The following PFKM variants were observed in gnomAD, a reference collection of about 807,000 sequenced individuals.
PFKM encodes ATP-dependent 6-phosphofructokinase, muscle type.
In PFKM, 58 loss-of-function variants were observed where a neutral mutation model predicts 95.5. That is an observed-to-expected ratio of 0.61 (90% CI 0.49 to 0.76). PFKM has a LOEUF of 0.76. Ranked by LOEUF, PFKM falls within the 30% of genes least tolerant of loss-of-function variation. PFKM has a pLI of 0.00. For synonymous variants in PFKM, 336 were observed against 357.2 expected (o/e 0.94, Z 0.67); for missense variants, 678 against 1,005.4 (o/e 0.67, Z 4.40).
At chr12:48,142,298 C>T in intron 17 of PFKM, 1 of 557,540 alleles carries the variant, frequency 1.8e-6, no homozygotes, top group Non-Finnish European at 3.2e-6. Flanking sequence ...CATGGTGAAA[C>T]CCCATCTCTA....
At chr12:48,110,897 G>T (rs1342884264) in intron 3 of PFKM, among the ~76,000 whole-genome samples, 1 of 152,148 alleles carries the variant, frequency 6.6e-6, no homozygotes, top group Non-Finnish European at 1.5e-5. Context: ...CTACACTGGG[G>T]CATAGCAAGG....
chr12:48,106,200 G>A, intron 1 of PFKM: 2 of 675,334 alleles, frequency 3.0e-6, no homozygotes, highest in South Asian at 1.5e-5. Context: ...CCAGTGGGGC[G>A]CCTGCGCGGT....
At chr12:48,136,028 A>G (rs1159543748) in intron 10 of PFKM, among the ~76,000 whole-genome samples, 5 of 152,068 alleles carry the variant, frequency 3.3e-5, no homozygotes, top group Non-Finnish European at 7.4e-5. Flanking sequence ...AGCTGGGACT[A>G]CAGGCGCCTG....
chr12:48,109,820 C>G (rs182145502), intron 3 of PFKM, among the ~76,000 whole-genome samples: 74 of 152,280 alleles, frequency 4.9e-4, no homozygotes, highest in African/African-American at 1.8e-3. Flanking sequence ...TCCCTGCTTC[C>G]TTCCTCATCC....
chr12:48,125,977 A>AT (rs943953608), intron 2 of PFKM, among the ~76,000 whole-genome samples: 6 of 152,062 alleles, frequency 3.9e-5, no homozygotes, highest in African/African-American at 1.4e-4. Context: ...CATTTATTAG[A>AT]TTTTTTTTCT....
exon 1 of PFKM, chr12:48,106,048 T>C (rs924752777): frequency 9.7e-5 from 68 of 701,960 alleles, no homozygotes; most frequent in African/African-American, 1.9e-4. Flanking sequence ...CCGGCTGCCA[T>C]GCGAAGGGGT....
At chr12:48,117,789 G>A (rs1243760774), upstream of PFKM, among the ~76,000 whole-genome samples, 2 of 152,224 alleles carry the variant, frequency 1.3e-5, no homozygotes, top group East Asian at 3.8e-4. Flanking sequence ...GAGAACATGT[G>A]TTCAAGATGG....
chr12:48,145,147 C>T lies in PFKM; in HGVS notation c.2092+17C>T, dbSNP rs773403779. ...ACCGTAATGGTAGGTGGGGTGAGAG[C>T]GAGTGCCCTCTATAGAGGCTGGTTC... On this transcript the variant is annotated intron_variant, in intron 21 of 22. Coordinates refer to ENST00000359794, the MANE Select transcript of PFKM (RefSeq NM_000289.6). This position sits in a 1 kb window ranked among gnomAD's most constrained non-coding sequence, Gnocchi z 4.3. 12 of 1,609,296 alleles carry T rather than the reference C, an allele frequency of 7.5e-6. No homozygotes were observed. The East Asian group carries it at 1.1e-4, about 15-fold the overall frequency.
Position 48,145,795 on chromosome 12 carries a change from T to G in PFKM, c.*87T>G. The G allele has an allele frequency of 6.9e-7, 1 of 1,443,714 alleles. No individual in the cohort carries two copies. The highest frequency in any genetic ancestry group is 9.7e-7 in the Non-Finnish European group (1 of 1,027,324). 89.4% of individuals were successfully genotyped at this position (1,443,714 alleles called of 1,614,324 possible). ...CACATCTTCTCAGTGTTTTAGCTGT[T>G]TTTTTCATTAGGTTTCCTTTTATTC... On this transcript the variant is annotated 3_prime_UTR_variant, in exon 23 of 23. Transcript: ENST00000359794. The surrounding 1 kb of genome is among the most constrained non-coding windows in gnomAD (Gnocchi z 4.3).
intron 17 of PFKM, chr12:48,142,516 GT>G (rs542245240): frequency 5.8e-3 from 2,415 of 416,320 alleles, no homozygotes; most frequent in East Asian, 7.7e-3. Context: ...TGTTTTGTTT[GT>G]TTTTTTTTTT....
rs376138631 is a variant in PFKM at position 48,142,031 on chromosome 12, G to C, written c.1618G>C (p.Val540Leu). ...SNNVPGSDFSVGADTALNTIC... is the reference protein window; with the variant it reads ...SNNVPGSDFSLGADTALNTIC... The stretch of plus-strand genomic sequence containing the variant: ...CAATGTCCCTGGCTCAGACTTCAGC[G>C]TTGGGGCTGACACAGCACTCAATAC... The change falls in exon 17 of 23, where the codon GTT becomes CTT. Residue 540 changes from valine to leucine, a missense_variant. Physicochemically the swap from Val to Leu is conservative, Grantham distance 32. Transcript: ENST00000359794. The C allele has an allele frequency of 5.0e-6, 8 of 1,613,884 alleles. No individual in the cohort carries two copies. In the East Asian group the frequency reaches 1.6e-4, roughly 31 times the overall value.
At chr12:48,121,081 G>A (rs1948211399) in intron 1 of PFKM, among the ~76,000 whole-genome samples, 1 of 152,220 alleles carries the variant, frequency 6.6e-6, no homozygotes, top group Admixed American at 6.5e-5. Flanking sequence ...AACCTGGGAG[G>A]CAGTGATCCA....
chr12:48,131,186 G>C, intron 3 of PFKM, 130 bp from the exon 4 acceptor site: 2 of 732,242 alleles, frequency 2.7e-6, no homozygotes, highest in Admixed American at 1.9e-5. Context: ...ATAGTCTCAC[G>C]AGCATCCAGG....
chr12:48,114,039 T>C (rs899120885), intron 3 of PFKM, among the ~76,000 whole-genome samples: 10 of 152,160 alleles, frequency 6.6e-5, no homozygotes, highest in South Asian at 2.1e-4. Flanking sequence ...CAGGAAACCA[T>C]GTAGTCTCGC....
Position 48,145,258 on chromosome 12 carries a change from G to GT in PFKM, c.2142dup (p.Lys715Ter), listed in dbSNP as rs1950941442. ...GATTCGGGCTGTGTTCTGGGGATGC[G>GT]TAAGAGGGCTCTGGTCTTCCAACCA... On this transcript the variant is annotated frameshift_variant, in exon 22 of 23. Transcript: ENST00000359794. LOFTEE classifies it high-confidence loss of function. The surrounding 1 kb of genome is among the most constrained non-coding windows in gnomAD (Gnocchi z 4.3). The GT allele has an allele frequency of 6.2e-7, 1 of 1,614,116 alleles. No individual in the cohort carries two copies.
chr12:48,145,435 A>T lies in PFKM; in HGVS notation c.2198+120A>T. On this transcript the variant is annotated intron_variant, in intron 22 of 22. Coordinates refer to ENST00000359794, the MANE Select transcript of PFKM (RefSeq NM_000289.6). The surrounding 1 kb of genome is among the most constrained non-coding windows in gnomAD (Gnocchi z 4.3). ...TTTAAGGAGTAACACCTGTATTCTT[A>T]CCCATTTCAGATGTGATGCACATGT... 2 of 1,275,068 alleles carry T rather than the reference A, an allele frequency of 1.6e-6. No individual in the cohort carries two copies. The highest frequency in any genetic ancestry group is 2.3e-6 in the Non-Finnish European group (2 of 884,782). The allele number at this position is 1,275,068 out of a possible 1,614,324, so 79.0% of individuals were successfully genotyped here. A position where few individuals can be genotyped will look rare whatever the true frequency, so the allele number is the denominator to read the frequency against.
chr12:48,141,403 C>T (rs750162390), intron 15 of PFKM, 22 bp downstream of exon 15: 5 of 1,603,458 alleles, frequency 3.1e-6, no homozygotes, highest in East Asian at 2.2e-5. Context: ...TGCAGAGGCA[C>T]CTCCTCCCAG....
At chr12:48,116,129 C>T (rs1384094136), upstream of PFKM, among the ~76,000 whole-genome samples, 1 of 143,570 alleles carries the variant, frequency 7.0e-6, no homozygotes, top group Non-Finnish European at 1.5e-5. Flanking sequence ...TCCCTCCCTT[C>T]CTTCCTTCCT....
upstream of PFKM, chr12:48,105,515 A>G: frequency 1.9e-6 from 1 of 519,072 alleles, no homozygotes; most frequent in South Asian, 1.4e-5. Flanking sequence ...ATCACATCTC[A>G]GGGAGATACC....
Sources: allele counts gnomAD v4.1 joint callset (sites outside exome capture counted in the v4.1 genomes callset), GRCh38; gene constraint gnomAD v4.1.1; non-coding constraint Gnocchi (gnomAD v3.1); transcripts MANE v1.5; gene names NCBI Gene and HGNC (gene_info 2026-07-23, HGNC 2026-07-21).